Variants in DPYD observed in about 807,000 individuals in gnomAD.
DPYD encodes the protein dihydropyrimidine dehydrogenase [NADP(+)].
DPYD carries 109 observed loss-of-function variants against 116.2 expected under a neutral mutation model. The observed-to-expected ratio is 0.94, with a 90% confidence interval of 0.80 to 1.10. The LOEUF is 1.10. Ranked by LOEUF, DPYD falls within the 50% of genes least tolerant of loss-of-function variation. The probability of loss-of-function intolerance (pLI) is 0.00; values close to 1 mark genes in which losing one functional copy is unlikely to be tolerated. For synonymous variants in DPYD, 440 were observed against 432.0 expected (o/e 1.02, Z -0.23); for missense variants, 1,302 against 1,254.5 (o/e 1.04, Z -0.57).
At chr1:97,784,623 T>C (rs911301239) in intron 3 of DPYD, among the ~76,000 whole-genome samples, 1 of 152,234 alleles carries the variant, frequency 6.6e-6, no homozygotes, top group South Asian at 2.1e-4. Context: ...ACAGGCACTA[T>C]GGAAGCACTC....
chr1:97,580,851 T>C (rs1653605726), intron 10 of DPYD, among the ~76,000 whole-genome samples: 1 of 152,168 alleles, frequency 6.6e-6, no homozygotes, highest in African/African-American at 2.4e-5. Context: ...GATGTTTCCT[T>C]TCAGTAATAT....
At chr1:97,470,272 CTCTT>C (rs1428944111) in intron 13 of DPYD, among the ~76,000 whole-genome samples, 2 of 152,072 alleles carry the variant, frequency 1.3e-5, no homozygotes, top group Non-Finnish European at 2.9e-5. Flanking sequence ...AGTAAACAGC[CTCTT>C]TCTATTTCAC....
At chr1:97,367,135 G>A (rs545910495) in intron 16 of DPYD, among the ~76,000 whole-genome samples, 2 of 152,134 alleles carry the variant, frequency 1.3e-5, no homozygotes, top group African/African-American at 4.8e-5. Flanking sequence ...GCACATCTGG[G>A]GCACTGTGGT....
Position 97,756,603 on chromosome 1 carries a change from C to G in DPYD, c.234-16124G>C, listed in dbSNP as rs190457795. Among the ~76,000 whole-genome samples the G allele has an allele frequency of 9.9e-5, 15 of 152,100 alleles. No homozygotes were observed. The East Asian group carries it at 2.3e-3, about 24-fold the overall frequency. ...TTTCATTAAGCTGTGAAATTTCTCACCTGCTCCCTACTTGGTATTTTTTTA... is the reference window on the plus strand; with the variant it reads ...TTTCATTAAGCTGTGAAATTTCTCAGCTGCTCCCTACTTGGTATTTTTTTA... On this transcript the variant is annotated intron_variant, in intron 3 of 22. Coordinates refer to ENST00000370192, the MANE Select transcript of DPYD (RefSeq NM_000110.4).
chr1:97,766,445 T>C (rs898579186), intron 3 of DPYD, among the ~76,000 whole-genome samples: 1 of 152,002 alleles, frequency 6.6e-6, no homozygotes, highest in Admixed American at 6.6e-5. Flanking sequence ...AGAGGGAATA[T>C]AGAGAGGCCA....
At chr1:97,882,341 T>C (rs1401246631) in intron 2 of DPYD, among the ~76,000 whole-genome samples, 1 of 152,000 alleles carries the variant, frequency 6.6e-6, no homozygotes, top group Non-Finnish European at 1.5e-5. Flanking sequence ...ATAGAAAAAC[T>C]TAAAATTAGA....
intron 14 of DPYD, among the ~76,000 whole-genome samples, chr1:97,441,429 T>C (rs771379957): frequency 1.3e-5 from 2 of 152,096 alleles, no homozygotes; most frequent in South Asian, 4.1e-4. Context: ...TCATTTTGGA[T>C]AGCTTTTATT....
At chr1:97,822,060 T>C (rs1267730923) in intron 3 of DPYD, among the ~76,000 whole-genome samples, 3 of 151,608 alleles carry the variant, frequency 2.0e-5, no homozygotes, top group Non-Finnish European at 4.4e-5. Flanking sequence ...TTTCTAATTA[T>C]TCATAATATA....
intron 22 of DPYD, among the ~76,000 whole-genome samples, chr1:97,081,338 T>A (rs1366890603): frequency 6.6e-6 from 1 of 152,056 alleles, no homozygotes; most frequent in Non-Finnish European, 1.5e-5. Context: ...AAAAATATAA[T>A]AAAAACAATA....
intron 20 of DPYD, among the ~76,000 whole-genome samples, chr1:97,185,393 A>G (rs1319137195): frequency 6.6e-6 from 1 of 152,178 alleles, no homozygotes; most frequent in East Asian, 1.9e-4. Context: ...GGACTGTGAA[A>G]GAGTAAAGCC....
At chr1:97,810,903 G>C (rs896158587) in intron 3 of DPYD, among the ~76,000 whole-genome samples, 1 of 152,078 alleles carries the variant, frequency 6.6e-6, no homozygotes. Context: ...GGTTTCCCAA[G>C]GTTGGCCCCT....
chr1:97,343,007 C>T (rs2101245730), intron 16 of DPYD, among the ~76,000 whole-genome samples: 1 of 152,094 alleles, frequency 6.6e-6, no homozygotes, highest in South Asian at 2.1e-4. Context: ...AAAAAAAACA[C>T]TCAAAGAAAC....
intron 1 of DPYD, among the ~76,000 whole-genome samples, chr1:97,910,809 GT>G (rs1673896159): frequency 6.6e-6 from 1 of 152,008 alleles, no homozygotes; most frequent in African/African-American, 2.4e-5. Context: ...GAGATTTTAT[GT>G]TTCCAAGATA....
At chr1:97,435,096 C>T (rs190337432) in intron 14 of DPYD, among the ~76,000 whole-genome samples, 8 of 152,066 alleles carry the variant, frequency 5.3e-5, no homozygotes, top group East Asian at 3.9e-4. Context: ...GGGGAAAAGG[C>T]TCATTGCCAA....
chr1:97,262,423 A>G (rs567621062), intron 18 of DPYD, among the ~76,000 whole-genome samples: 2 of 152,186 alleles, frequency 1.3e-5, no homozygotes, highest in South Asian at 4.1e-4. Flanking sequence ...GTTCTTACCA[A>G]CATCATCACC....
intron 3 of DPYD, among the ~76,000 whole-genome samples, chr1:97,745,620 T>G (rs991097488): frequency 4.6e-5 from 7 of 152,132 alleles, no homozygotes; most frequent in Non-Finnish European, 2.9e-5. Flanking sequence ...TTTGCATATT[T>G]TGAATTAAAT....
At chr1:97,385,674 T>C (rs565808123) in intron 14 of DPYD, among the ~76,000 whole-genome samples, 4 of 152,148 alleles carry the variant, frequency 2.6e-5, no homozygotes, top group Admixed American at 6.6e-5. Flanking sequence ...CACCTCCCTC[T>C]CCAGCTCCCC....
intron 19 of DPYD, among the ~76,000 whole-genome samples, chr1:97,224,643 G>C (rs1366893115): frequency 1.3e-5 from 2 of 151,362 alleles, no homozygotes; most frequent in African/African-American, 4.9e-5. Context: ...TTGTATCCTT[G>C]AACTGCATCT....
intron 1 of DPYD, among the ~76,000 whole-genome samples, chr1:97,911,871 C>A (rs773085574): frequency 1.8e-4 from 27 of 152,024 alleles, no homozygotes; most frequent in Non-Finnish European, 2.9e-4. Context: ...ATGTTCCATC[C>A]AAGATAACAA....
Sources: allele counts gnomAD v4.1 joint callset (sites outside exome capture counted in the v4.1 genomes callset), GRCh38; gene constraint gnomAD v4.1.1; transcripts MANE v1.5; gene names NCBI Gene and HGNC (gene_info 2026-07-23, HGNC 2026-07-21).